MAP2K4: variants seen among roughly 807,000 people sequenced by gnomAD.
MAP2K4 encodes the protein mitogen-activated protein kinase kinase 4.
Under a neutral mutation model 48.5 loss-of-function variants are expected in MAP2K4, and 4 were observed. The observed-to-expected ratio is 0.08, with a 90% CI of 0.04 to 0.19. The LOEUF is 0.19. Ranked by LOEUF, MAP2K4 falls within the 10% of genes least tolerant of loss-of-function variation. The probability of loss-of-function intolerance (pLI) is 1.00; values close to 1 mark genes in which losing one functional copy is unlikely to be tolerated. For synonymous variants in MAP2K4, 166 were observed against 173.1 expected, an observed-to-expected ratio of 0.96 and a Z score of 0.32; for missense variants, 258 against 493.3, an observed-to-expected ratio of 0.52 and a Z score of 4.52.
At chr17:12,130,705 C>T (rs1447287421) in intron 9 of MAP2K4, among the ~76,000 whole-genome samples, 1 of 152,194 alleles carries the variant, frequency 6.6e-6, no homozygotes, top group Non-Finnish European at 1.5e-5. Flanking sequence ...TTAAGGTCTA[C>T]ATTGAAGTGT....
chr17:12,072,250 G>A (rs1204678836), intron 2 of MAP2K4, among the ~76,000 whole-genome samples: 1 of 152,182 alleles, frequency 6.6e-6, no homozygotes, highest in Non-Finnish European at 1.5e-5. Context: ...TACTAGGACT[G>A]TAGATCAGGA....
chr17:12,111,959 T>C (rs549080161), intron 6 of MAP2K4, among the ~76,000 whole-genome samples: 115 of 152,324 alleles, frequency 7.5e-4, no homozygotes, highest in Non-Finnish European at 1.5e-3. Flanking sequence ...GCTCTCGTGC[T>C]GTGCAGCTCT....
chr17:12,117,321 C>T (rs566530047), intron 7 of MAP2K4, among the ~76,000 whole-genome samples: 1 of 152,198 alleles, frequency 6.6e-6, no homozygotes, highest in African/African-American at 2.4e-5. Flanking sequence ...ACTAGTGTGA[C>T]CCAAGTGGAA....
At chr17:12,112,465 CAAA>C (rs11370279) in intron 6 of MAP2K4, among the ~76,000 whole-genome samples, 4 of 86,666 alleles carry the variant, frequency 4.6e-5, no homozygotes, top group Non-Finnish European at 4.4e-5. Flanking sequence ...ACTCTTGTCT[CAAA>C]AAAAAAAAAA....
chr17:12,050,418 TG>T (rs1234198429), intron 1 of MAP2K4, among the ~76,000 whole-genome samples: 1 of 152,154 alleles, frequency 6.6e-6, no homozygotes, highest in East Asian at 1.9e-4. Flanking sequence ...GATGAGAGGA[TG>T]GTAAGGTGAG....
intron 9 of MAP2K4, among the ~76,000 whole-genome samples, chr17:12,136,903 T>TTCATTC (rs1200915030): frequency 6.6e-6 from 1 of 152,146 alleles, no homozygotes; most frequent in Admixed American, 6.5e-5. Context: ...CAGGTCATTT[T>TTCATTC]TCATTCTGGA....
chr17:12,076,870 T>C (rs1408634543), intron 2 of MAP2K4, among the ~76,000 whole-genome samples: 2 of 151,982 alleles, frequency 1.3e-5, no homozygotes, highest in African/African-American at 4.8e-5. Flanking sequence ...TGTGTGTGTG[T>C]GTGTATTTTT....
chr17:12,124,841 A>C (rs1453453560), intron 7 of MAP2K4: 1 of 158,412 alleles, frequency 6.3e-6, no homozygotes, highest in Non-Finnish European at 1.4e-5. Context: ...AGGCCCAGCT[A>C]CTTTTTTGTA....
At chr17:12,140,524 C>A (rs1228176364) in intron 10 of MAP2K4, among the ~76,000 whole-genome samples, 2 of 152,038 alleles carry the variant, frequency 1.3e-5, no homozygotes, top group East Asian at 3.9e-4. Context: ...AAAACTGTTG[C>A]TAGAGATGGA....
At position 12,141,432 on chromosome 17, in the gene MAP2K4, G is replaced by A; in HGVS notation, c.*172G>A. On this transcript the variant is annotated 3_prime_UTR_variant, in exon 11 of 11. Coordinates refer to ENST00000353533, the MANE Select transcript of MAP2K4 (RefSeq NM_003010.4). ...CCTGTCACCTAGAACGTGCATCCTT[G>A]TAATACCTGATTGATCACACAGTGT... The A allele has an allele frequency of 1.6e-6, 1 of 616,904 alleles. No individual in the cohort carries two copies. The highest frequency in any genetic ancestry group is 2.9e-6 in the Non-Finnish European group (1 of 344,484). 38.2% of individuals were successfully genotyped at this position (616,904 alleles called of 1,614,324 possible).
In MAP2K4 at chr17:12,046,592, A is replaced by G. The variant is rs1420430996; in HGVS notation, c.116-8297A>G. Among the ~76,000 whole-genome samples the G allele has an allele frequency of 3.3e-5, 5 of 152,264 alleles. No homozygotes were observed. In the East Asian group the frequency reaches 7.7e-4, roughly 23 times the overall value. ...GTTATTGGCTTTAAGTGATAGCTCA[A>G]AGGTGTGGCTGGCTGTGGAATCCCA... On this transcript the variant is annotated intron_variant, in intron 1 of 10. Transcript: ENST00000353533.
intron 2 of MAP2K4, among the ~76,000 whole-genome samples, chr17:12,067,876 C>CGT (rs1446448505): frequency 6.6e-6 from 1 of 151,928 alleles, no homozygotes; most frequent in Admixed American, 6.6e-5. Flanking sequence ...CAGACACAGA[C>CGT]GTGTGTGTGT....
At chr17:12,111,480 ATT>A (rs879587534) in intron 6 of MAP2K4, among the ~76,000 whole-genome samples, 2 of 140,496 alleles carry the variant, frequency 1.4e-5, no homozygotes, top group African/African-American at 2.6e-5. Context: ...TCTTGTCTTG[ATT>A]TTTTTTTTTT....
At chr17:12,041,593 G>A (rs1211643313) in intron 1 of MAP2K4, among the ~76,000 whole-genome samples, 1 of 152,052 alleles carries the variant, frequency 6.6e-6, no homozygotes, top group Non-Finnish European at 1.5e-5. Context: ...TCTACTAAAA[G>A]CTTCTGGTAA....
Position 12,040,267 on chromosome 17 carries a change from C to CA in MAP2K4, c.116-14615dup, listed in dbSNP as rs557603002. The stretch of plus-strand genomic sequence containing the variant: ...TTTGCAGATAGTAGTTGTATCCAGC[C>CA]AAAAAAAGACAAAATTTGTGTTTGG... On this transcript the variant is annotated intron_variant, in intron 1 of 10. Transcript: ENST00000353533. Among the ~76,000 whole-genome samples the CA allele has an allele frequency of 2.7e-4, 40 of 147,638 alleles. 1 individual carries two copies. Among genetic ancestry groups the CA allele is most frequent in the Admixed American group, 4.1e-4 (6 of 14,648 alleles).
At chr17:12,045,261 T>C (rs1969928221) in intron 1 of MAP2K4, among the ~76,000 whole-genome samples, 1 of 152,150 alleles carries the variant, frequency 6.6e-6, no homozygotes, top group African/African-American at 2.4e-5. Flanking sequence ...AGTTATAAAA[T>C]ATGGTTAATG....
chr17:12,082,686 G>A (rs1971231732), intron 3 of MAP2K4, among the ~76,000 whole-genome samples: 2 of 152,130 alleles, frequency 1.3e-5, no homozygotes. Flanking sequence ...TTAAATTAGT[G>A]GTAGGGAAAA....
chr17:12,068,917 G>T (rs1970701160), intron 2 of MAP2K4, among the ~76,000 whole-genome samples: 1 of 152,070 alleles, frequency 6.6e-6, no homozygotes, highest in Non-Finnish European at 1.5e-5. Context: ...ATAGATGAAA[G>T]GGTTGCCTAG....
chr17:12,028,349 G>A (rs2151507506), intron 1 of MAP2K4, among the ~76,000 whole-genome samples: 1 of 152,278 alleles, frequency 6.6e-6, no homozygotes, highest in East Asian at 1.9e-4. Context: ...CTAACAACCT[G>A]GAATTGCTAA....
Sources: gnomAD v4.1 joint callset for allele counts (sites outside exome capture counted in the v4.1 genomes callset) on GRCh38, gnomAD v4.1.1 for gene constraint, MANE v1.5 for transcripts, NCBI Gene and HGNC (gene_info 2026-07-23, HGNC 2026-07-21) for gene names.